Variants in DAB1 observed in about 807,000 individuals in gnomAD.
The protein encoded by DAB1 is DAB adaptor protein 1.
DAB1 carries 15 observed loss-of-function variants against 64.6 expected under a neutral mutation model. That is an observed-to-expected ratio of 0.23 (90% CI 0.16 to 0.36). The LOEUF (loss-of-function observed/expected upper bound fraction) is 0.36, where lower values mean the gene tolerates loss of function less well. Among genes scored for constraint, DAB1 ranks in the 10% least tolerant of loss-of-function variants. DAB1 has a pLI of 1.00. For missense variants in DAB1, 596 were observed against 706.7 expected (o/e 0.84, Z 1.78); for synonymous variants, 235 against 251.9 (o/e 0.93, Z 0.64).
At chr1:57,528,218 G>C (rs1056851528) in intron 7 of DAB1, among the ~76,000 whole-genome samples, 6 of 152,058 alleles carry the variant, frequency 3.9e-5, no homozygotes, top group African/African-American at 1.2e-4. Context: ...ATTGAAAATG[G>C]TAATATCTGA....
intron 9 of DAB1, among the ~76,000 whole-genome samples, chr1:57,036,341 C>T (rs745926361): frequency 6.6e-6 from 1 of 152,102 alleles, no homozygotes; most frequent in Non-Finnish European, 1.5e-5. Flanking sequence ...TTCATCCCAT[C>T]CGTATCTTTT....
chr1:57,377,529 A>G (rs1224356958), intron 1 of DAB1, among the ~76,000 whole-genome samples: 16 of 152,194 alleles, frequency 1.1e-4, no homozygotes, highest in Admixed American at 1.0e-3. Context: ...GCATATGTAT[A>G]TAGTCTTCAG....
rs573372095 is a variant in DAB1 at position 58,043,159 on chromosome 1, G to A, written n.387+107352C>T. On this transcript the variant is annotated intron_variant and non_coding_transcript_variant, in intron 5 of 20. Coordinates refer to the DAB1 transcript ENST00000485760. Reference sequence around the variant, plus strand: ...TGCTCTTTCCAAACTGTTAACACAAGGTAGTAAGAAGACAGATAAGAGACC... The same window carrying A: ...TGCTCTTTCCAAACTGTTAACACAAAGTAGTAAGAAGACAGATAAGAGACC... Among the ~76,000 whole-genome samples, 34 of 152,248 alleles carry A rather than the reference G, an allele frequency of 2.2e-4. 1 individual carries two copies. In the South Asian group the frequency reaches 7.1e-3, roughly 32 times the overall value.
intron 4 of DAB1, among the ~76,000 whole-genome samples, chr1:58,295,450 A>T (rs1661947037): frequency 6.6e-6 from 1 of 152,076 alleles, no homozygotes; most frequent in Non-Finnish European, 1.5e-5. Flanking sequence ...CTCTCTGTCA[A>T]TTCTAGATCT....
chr1:58,333,286 G>A (rs1052178302), intron 4 of DAB1, among the ~76,000 whole-genome samples: 2 of 152,116 alleles, frequency 1.3e-5, no homozygotes, highest in East Asian at 3.9e-4. Context: ...GAGGAATCAC[G>A]TGAGAAGATG....
chr1:58,012,329 C>T (rs1030883453), intron 5 of DAB1, among the ~76,000 whole-genome samples: 7 of 152,138 alleles, frequency 4.6e-5, no homozygotes, highest in African/African-American at 1.7e-4. Flanking sequence ...GGAGGCTCTA[C>T]TCCATGGGGT....
At chr1:57,622,377 G>C (rs1324112229) in intron 7 of DAB1, among the ~76,000 whole-genome samples, 2 of 152,178 alleles carry the variant, frequency 1.3e-5, no homozygotes, top group African/African-American at 4.8e-5. Context: ...ACATAGATAT[G>C]GGTTTGAATC....
Position 57,166,656 on chromosome 1 carries a change from C to T in DAB1, c.68-21227G>A, listed in dbSNP as rs189070877. ...TATTGAAGTCAGGTCTCAAATAATACGCACAATTTATCTGAGTGTGAGGAG... is the reference window on the plus strand; with the variant it reads ...TATTGAAGTCAGGTCTCAAATAATATGCACAATTTATCTGAGTGTGAGGAG... On this transcript the variant is annotated intron_variant, in intron 2 of 14. Transcript: ENST00000371236. Among the ~76,000 whole-genome samples the T allele has an allele frequency of 9.2e-5, 14 of 152,236 alleles. No homozygotes were observed. In the East Asian group the frequency reaches 1.2e-3, roughly 13 times the overall value.
chr1:57,045,689 C>T (rs1648385394), intron 9 of DAB1, among the ~76,000 whole-genome samples: 2 of 151,956 alleles, frequency 1.3e-5, no homozygotes, highest in Non-Finnish European at 2.9e-5. Flanking sequence ...CAGAGCGAGA[C>T]TCCATCTCAA....
chr1:58,196,169 G>A (rs561873431), intron 4 of DAB1, among the ~76,000 whole-genome samples: 20 of 152,334 alleles, frequency 1.3e-4, no homozygotes, highest in Non-Finnish European at 2.5e-4. Flanking sequence ...AGATGGAAAT[G>A]CAAGCTGAGA....
rs188687114 is a variant in DAB1 at position 57,078,253 on chromosome 1, C to T, written c.307-5839G>A. Among the ~76,000 whole-genome samples, 23 of 152,170 alleles carry T rather than the reference C, an allele frequency of 1.5e-4. No individual in the cohort carries two copies. In the East Asian group the frequency reaches 1.6e-3, roughly 10 times the overall value. On this transcript the variant is annotated intron_variant, in intron 4 of 14. Transcript: ENST00000371236. ...AGGACAAGACCAGATTTCCAAATAA[C>T]GTAGTCTCTCGCTGAAGAGGTGGTG...
chr1:57,702,715 T>C (rs1646920932), intron 6 of DAB1, among the ~76,000 whole-genome samples: 1 of 152,170 alleles, frequency 6.6e-6, no homozygotes, highest in Non-Finnish European at 1.5e-5. Context: ...AATTAGTTTT[T>C]AGAAGTCAGG....
chr1:57,157,774 A>G (rs76239068), intron 2 of DAB1, among the ~76,000 whole-genome samples: 18,044 of 152,228 alleles, frequency 0.12, 1,386 homozygotes, highest in East Asian at 0.41. Flanking sequence ...CATACGATCC[A>G]TAATGGGGGC....
At chr1:57,130,999 C>G (rs1339827031) in intron 4 of DAB1, among the ~76,000 whole-genome samples, 1 of 152,162 alleles carries the variant, frequency 6.6e-6, no homozygotes, top group Non-Finnish European at 1.5e-5. Context: ...CCATATGTGT[C>G]TGCCCTGAAT....
At chr1:58,167,224 A>G (rs1334911062) in intron 4 of DAB1, among the ~76,000 whole-genome samples, 1 of 152,230 alleles carries the variant, frequency 6.6e-6, no homozygotes, top group African/African-American at 2.4e-5. Flanking sequence ...GTGTCTAGCT[A>G]AAGGATTGTA....
chr1:58,072,688 A>G (rs1649352088), intron 5 of DAB1, among the ~76,000 whole-genome samples: 2 of 152,254 alleles, frequency 1.3e-5, no homozygotes, highest in South Asian at 4.1e-4. Context: ...TGATAAGATG[A>G]CAACATTGAT....
rs537724056 is a variant in DAB1, at chr1:57,180,086, A to G, written c.68-34657T>C. ...TGTGAATCCTCCTACCAAGCTGTAA[A>G]TCTTCACTCCTGCTTTTCTACAGAA... is the stretch of plus-strand genomic sequence containing the variant. On this transcript the variant is annotated intron_variant, in intron 2 of 14. Coordinates refer to ENST00000371236, the MANE Select transcript of DAB1 (RefSeq NM_001365792.1). 2.0e-4 allele frequency among the ~76,000 whole-genome samples: 31 copies of G among 152,316 alleles called. 1 individual carries two copies. Among genetic ancestry groups the G allele is most frequent in the African/African-American group, 6.7e-4 (28 of 41,570 alleles).
intron 6 of DAB1, among the ~76,000 whole-genome samples, chr1:57,734,119 A>G (rs1173122574): frequency 2.6e-5 from 4 of 152,188 alleles, no homozygotes; most frequent in Non-Finnish European, 5.9e-5. Context: ...GATAAAAAAA[A>G]AAATCCAGTC....
chr1:58,251,085 G>C (rs1230046143), intron 4 of DAB1, among the ~76,000 whole-genome samples: 1 of 152,202 alleles, frequency 6.6e-6, no homozygotes. Flanking sequence ...TCTACAAAAT[G>C]GGAACCATAT....
Sources: gnomAD v4.1 joint callset for allele counts (sites outside exome capture counted in the v4.1 genomes callset) on GRCh38, gnomAD v4.1.1 for gene constraint, MANE v1.5 for transcripts, NCBI Gene and HGNC (gene_info 2026-07-23, HGNC 2026-07-21) for gene names.